The following SYTL4 variants were observed in gnomAD, a reference collection of about 807,000 sequenced individuals.
The protein encoded by SYTL4 is synaptotagmin like 4.
In SYTL4, 16 loss-of-function variants were observed where a neutral mutation model predicts 52.7. The observed-to-expected ratio is 0.30, with a 90% CI of 0.21 to 0.46. The LOEUF is 0.46. Among genes scored for constraint, SYTL4 ranks in the 20% least tolerant of loss-of-function variants. The pLI, the probability that SYTL4 is intolerant of heterozygous loss-of-function variation, is 1.00. For synonymous variants in SYTL4, 160 were observed against 186.6 expected (o/e 0.86, Z 1.16); for missense variants, 423 against 519.9 (o/e 0.81, Z 1.81).
At chrX:100,718,809 T>TC (rs2052670695) in intron 2 of SYTL4, among the ~76,000 whole-genome samples, 1 of 108,072 alleles carries the variant, frequency 9.3e-6, no homozygotes, top group Non-Finnish European at 1.9e-5. Flanking sequence ...CTTTTTTTTT[T>TC]TTTGTGTGAG....
chrX:100,682,669 C>T (rs1391125898), intron 16 of SYTL4, among the ~76,000 whole-genome samples: 4 of 110,520 alleles, frequency 3.6e-5, no homozygotes, highest in East Asian at 2.8e-4. Context: ...ATCGCACCAC[C>T]GCACTCCAGC....
intron 8 of SYTL4, among the ~76,000 whole-genome samples, chrX:100,696,141 A>G (rs548833795): frequency 8.0e-5 from 9 of 112,316 alleles, no homozygotes; most frequent in African/African-American, 2.9e-4. Flanking sequence ...TAAAGCTGCT[A>G]TGAACATTCA....
rs1229308793 is a variant in SYTL4, at chrX:100,701,475, C to A, written c.309G>T (p.Lys103Asn). 4.1e-6 allele frequency: 5 copies of A among 1,210,058 alleles called. No individual in the cohort carries two copies. Among genetic ancestry groups the A allele is most frequent in the Non-Finnish European group, 5.6e-6 (5 of 894,969 alleles). ...IQESNGTWRCKVCAKEIELKK... is the reference protein window; with the variant it reads ...IQESNGTWRCNVCAKEIELKK... ...ACACTCACATTTCCTTGGCGCACAC[C>A]TTGCACCTCCAGGTACCATTGCTTT... Residue 103 changes from lysine (K) to asparagine (N), a missense_variant, in exon 6 of 20, where the codon AAG becomes AAT. Coordinates refer to ENST00000372989, the MANE Select transcript of SYTL4 (RefSeq NM_001370165.1).
At chrX:100,682,768 T>C (rs2083400739) in intron 16 of SYTL4, among the ~76,000 whole-genome samples, 1 of 111,724 alleles carries the variant, frequency 9.0e-6, no homozygotes, top group Non-Finnish European at 1.9e-5. Flanking sequence ...GAAACTCTGT[T>C]ACACGAATTT....
Position 100,727,552 on chromosome X carries a change from G to A in SYTL4, c.-240+3866C>T, listed in dbSNP as rs769789558. On this transcript the variant is annotated intron_variant, in intron 2 of 19. Transcript: ENST00000372989. Reference sequence around the variant, plus strand: ...CCTATTTAAATTGTTTAATGTATATGTCCTTTGACCTAACAATTCTCCTAT... The same window carrying A: ...CCTATTTAAATTGTTTAATGTATATATCCTTTGACCTAACAATTCTCCTAT... 2.7e-5 allele frequency among the ~76,000 whole-genome samples: 3 copies of A among 112,773 alleles called. No individual in the cohort carries two copies. In the South Asian group the frequency reaches 1.1e-3, roughly 41 times the overall value.
intron 2 of SYTL4, among the ~76,000 whole-genome samples, chrX:100,725,615 A>T (rs956525899): frequency 1.8e-5 from 2 of 112,546 alleles, no homozygotes; most frequent in Non-Finnish European, 3.7e-5. Context: ...AATTGTAATT[A>T]AAAAATTATG....
At chrX:100,677,850 C>T (rs1247399012) in intron 19 of SYTL4, among the ~76,000 whole-genome samples, 4 of 111,659 alleles carry the variant, frequency 3.6e-5, no homozygotes, top group African/African-American at 1.3e-4. Flanking sequence ...GAAGTGGAGA[C>T]AATTCTTTCT....
intron 8 of SYTL4, among the ~76,000 whole-genome samples, chrX:100,698,200 T>C (rs1235773944): frequency 9.0e-6 from 1 of 110,631 alleles, no homozygotes; most frequent in African/African-American, 3.3e-5. Flanking sequence ...CCTCCCGGGT[T>C]CACGCCATTC....
At position 100,707,692 on chromosome X, in the gene SYTL4, C is replaced by T. The variant is rs945534668; in HGVS notation, c.-239-2806G>A. On this transcript the variant is annotated intron_variant, in intron 2 of 19. Transcript: ENST00000372989. ...ATCGGATACTCCCAATTTATGGCTA[C>T]TAGGGTTTAATAGAGAAACCAAAGC... Among the ~76,000 whole-genome samples the T allele has an allele frequency of 2.6e-4, 29 of 111,570 alleles. 1 individual carries two copies. Among genetic ancestry groups the T allele is most frequent in the Non-Finnish European group, 2.8e-4 (15 of 53,115 alleles).
intron 1 of SYTL4, among the ~76,000 whole-genome samples, chrX:100,731,776 C>G (rs1258996256): frequency 8.9e-6 from 1 of 111,849 alleles, no homozygotes; most frequent in Non-Finnish European, 1.9e-5. Context: ...GAGGGACCGC[C>G]CAAGCAGACG....
At chrX:100,712,831 A>C (rs996954247) in intron 2 of SYTL4, among the ~76,000 whole-genome samples, 2 of 112,499 alleles carry the variant, frequency 1.8e-5, no homozygotes, top group Non-Finnish European at 3.7e-5. Context: ...TAGACAAAAG[A>C]TATGAATAAA....
intron 2 of SYTL4, among the ~76,000 whole-genome samples, chrX:100,709,245 C>T (rs1176608172): frequency 1.8e-5 from 2 of 110,297 alleles, no homozygotes; most frequent in African/African-American, 6.6e-5. Flanking sequence ...GCAATCCCAG[C>T]ATTTTGGGAG....
chrX:100,678,724 C>T (rs2083324188), intron 18 of SYTL4, 125 bp from the exon 19 acceptor site: 10 of 533,513 alleles, frequency 1.9e-5, no homozygotes, highest in East Asian at 6.9e-5. Context: ...CTACTACACA[C>T]GCCCCTCCTT....
At chrX:100,685,744 T>C in intron 16 of SYTL4, 1 of 310,969 alleles carries the variant, frequency 3.2e-6, no homozygotes, top group African/African-American at 2.6e-5. Context: ...GGAGACAAAG[T>C]TTGGTACACA....
intron 16 of SYTL4, among the ~76,000 whole-genome samples, chrX:100,682,140 G>A (rs576043952): frequency 5.1e-4 from 57 of 111,197 alleles, no homozygotes; most frequent in African/African-American, 1.8e-3. Context: ...GGCAGAGCTA[G>A]GATTCAAATT....
intron 2 of SYTL4, among the ~76,000 whole-genome samples, chrX:100,716,090 C>T (rs1022785400): frequency 2.7e-5 from 3 of 109,464 alleles, no homozygotes; most frequent in South Asian, 4.0e-4. Context: ...TGAAGCATAG[C>T]CCTAAAAGGT....
In SYTL4 at chrX:100,704,896, A is replaced by C. The variant is rs1300996176; in HGVS notation, c.-239-10T>G. The C allele has an allele frequency of 8.9e-6, 1 of 112,047 alleles. No individual in the cohort carries two copies. Among genetic ancestry groups the C allele is most frequent in the Non-Finnish European group, 1.9e-5 (1 of 53,210 alleles). The allele number at this position is 112,047 out of a possible 1,213,427, so 9.2% of individuals were successfully genotyped here. A position where few individuals can be genotyped will look rare whatever the true frequency, so the allele number is the denominator to read the frequency against. ...TTTTTTTACTAGTTCCCTACAAAAC[A>C]GTGGAGAACATAAACAACACGGCAA... On this transcript the variant is annotated splice_polypyrimidine_tract_variant and intron_variant, in intron 2 of 19. Coordinates refer to ENST00000372989, the MANE Select transcript of SYTL4 (RefSeq NM_001370165.1).
intron 8 of SYTL4, among the ~76,000 whole-genome samples, chrX:100,698,479 TTCTCTC>T (rs1338225900): frequency 9.0e-6 from 1 of 110,790 alleles, no homozygotes; most frequent in African/African-American, 3.3e-5. Context: ...CTCTTTCTCT[TTCTCTC>T]TCTCTCTCAT....
At chrX:100,694,759 A>G (rs1432027762) in intron 8 of SYTL4, among the ~76,000 whole-genome samples, 1 of 112,059 alleles carries the variant, frequency 8.9e-6, no homozygotes, top group Non-Finnish European at 1.9e-5. Context: ...TATTTGTCAA[A>G]CAAACAAACT....
Sources: allele counts gnomAD v4.1 joint callset (sites outside exome capture counted in the v4.1 genomes callset), GRCh38; gene constraint gnomAD v4.1.1; transcripts MANE v1.5; gene names NCBI Gene and HGNC (gene_info 2026-07-23, HGNC 2026-07-21).